FCHO2: variants seen among roughly 807,000 people sequenced by gnomAD.
FCHO2 encodes FCH and mu domain containing endocytic adaptor 2.
FCHO2 carries 43 observed loss-of-function variants against 114.1 expected under a neutral mutation model. The ratio of observed to expected loss-of-function variants is 0.38; its 90% CI spans 0.30 to 0.49. The LOEUF (loss-of-function observed/expected upper bound fraction) is 0.49. Among genes scored for constraint, FCHO2 ranks in the 20% least tolerant of loss-of-function variants. The pLI is 0.97. For synonymous variants in FCHO2, 293 were observed against 315.2 expected, an observed-to-expected ratio of 0.93 and a Z score of 0.75; for missense variants, 807 against 950.4, an observed-to-expected ratio of 0.85 and a Z score of 1.98.
chr5:72,962,010 A>C (rs568168902), intron 1 of FCHO2, among the ~76,000 whole-genome samples: 1 of 152,326 alleles, frequency 6.6e-6, no homozygotes, highest in East Asian at 1.9e-4. Flanking sequence ...ACTTGTTCCC[A>C]TTGCAACAAG....
intron 5 of FCHO2, among the ~76,000 whole-genome samples, 176 bp from the exon 6 acceptor site, chr5:73,006,269 C>T (rs879670344): frequency 6.6e-6 from 1 of 152,086 alleles, no homozygotes; most frequent in Admixed American, 6.5e-5. Flanking sequence ...TCTTGGCTGA[C>T]TGTAACAACA....
At chr5:72,968,707 T>C (rs1752338859) in intron 2 of FCHO2, 118 bp downstream of exon 2, 3 of 703,048 alleles carry the variant, frequency 4.3e-6, no homozygotes, top group South Asian at 2.1e-5. Flanking sequence ...TTTTAAAATA[T>C]GTACTGTAAT....
At chr5:72,986,453 A>G (rs894534146) in intron 2 of FCHO2, among the ~76,000 whole-genome samples, 5 of 152,014 alleles carry the variant, frequency 3.3e-5, no homozygotes, top group African/African-American at 9.7e-5. Flanking sequence ...CTGATCAGCT[A>G]CCTCTTCTGG....
chr5:73,082,285 A>G (rs1743123343), intron 23 of FCHO2, among the ~76,000 whole-genome samples: 3 of 151,694 alleles, frequency 2.0e-5, no homozygotes, highest in Admixed American at 1.3e-4. Context: ...TCATTTAAAA[A>G]ATACAAATAT....
At chr5:72,972,227 A>G (rs1409042052) in intron 2 of FCHO2, among the ~76,000 whole-genome samples, 1 of 151,714 alleles carries the variant, frequency 6.6e-6, no homozygotes, top group African/African-American at 2.4e-5. Context: ...GTTTTTTCCA[A>G]TTCTGTGAAG....
chr5:73,004,393 A>G (rs368276628), intron 5 of FCHO2, among the ~76,000 whole-genome samples: 35 of 152,296 alleles, frequency 2.3e-4, no homozygotes, highest in African/African-American at 6.0e-4. Flanking sequence ...AAAAAAATCT[A>G]TAGGAGCAAA....
At position 73,040,282 on chromosome 5, in the gene FCHO2, G is replaced by A. The variant is rs115404136; in HGVS notation, c.915-1009G>A. The stretch of plus-strand genomic sequence containing the variant: ...ACATCCAGTTGAGTATTCCTAAACC[G>A]AAAATCCCAAAGCCAGAATGTTCCA... On this transcript the variant is annotated intron_variant, in intron 10 of 25. Coordinates refer to ENST00000430046, the MANE Select transcript of FCHO2 (RefSeq NM_138782.3). Among the ~76,000 whole-genome samples the A allele has an allele frequency of 3.6e-3, 543 of 152,162 alleles. 5 individuals carry two copies. The highest frequency in any genetic ancestry group is 0.013 in the African/African-American group (527 of 41,514).
At chr5:73,050,929 G>T in intron 11 of FCHO2, among the ~76,000 whole-genome samples, 1 of 152,234 alleles carries the variant, frequency 6.6e-6, no homozygotes, top group Non-Finnish European at 1.5e-5. Context: ...ATAAGGAGGT[G>T]CTAGATCTTA....
At chr5:73,073,647 T>G (rs1742775971) in intron 19 of FCHO2, among the ~76,000 whole-genome samples, 1 of 152,208 alleles carries the variant, frequency 6.6e-6, no homozygotes, top group African/African-American at 2.4e-5. Context: ...TTTCACTATT[T>G]ATAGCATCTC....
intron 5 of FCHO2, among the ~76,000 whole-genome samples, chr5:73,004,436 G>C (rs1424419710): frequency 6.6e-6 from 1 of 152,062 alleles, no homozygotes; most frequent in Non-Finnish European, 1.5e-5. Context: ...AGTCACTTTC[G>C]CTAGGGATAG....
intron 7 of FCHO2, 127 bp from the exon 8 acceptor site, chr5:73,017,085 C>T: frequency 1.7e-6 from 1 of 571,972 alleles, no homozygotes; most frequent in Non-Finnish European, 2.9e-6. Context: ...AATTAAAGTC[C>T]TCAAAGGGCC....
intron 7 of FCHO2, among the ~76,000 whole-genome samples, 183 bp downstream of exon 7, chr5:73,015,907 T>C (rs2112742261): frequency 6.6e-6 from 1 of 152,294 alleles, no homozygotes; most frequent in East Asian, 1.9e-4. Flanking sequence ...TATTTTATCA[T>C]TTGGCCACCG....
intron 5 of FCHO2, chr5:72,996,999 T>C (rs1754155562): frequency 6.3e-7 from 1 of 1,590,924 alleles, no homozygotes; most frequent in Non-Finnish European, 8.6e-7. Context: ...TCCGCCCTTT[T>C]GCGGTGGCAG....
chr5:72,963,658 C>T lies in FCHO2; in HGVS notation c.34-4840C>T, dbSNP rs1752001603. 2.0e-5 allele frequency among the ~76,000 whole-genome samples: 3 copies of T among 152,198 alleles called. No homozygotes were observed. In the South Asian group the frequency reaches 6.2e-4, roughly 32 times the overall value. On this transcript the variant is annotated intron_variant, in intron 1 of 25. Transcript: ENST00000430046. ...TGAACTCCTGGGCTCCAGGGATCCT[C>T]TTGCCTTAGCCTTTGGAGTGGCTAG...
chr5:73,059,129 G>A (rs1022117281), intron 17 of FCHO2, among the ~76,000 whole-genome samples: 1 of 152,126 alleles, frequency 6.6e-6, no homozygotes, highest in Non-Finnish European at 1.5e-5. Context: ...CACCAAAAAT[G>A]TATGTTTAAT....
At chr5:73,018,047 T>C (rs72764851) in intron 8 of FCHO2, among the ~76,000 whole-genome samples, 17,911 of 152,132 alleles carry the variant, frequency 0.12, 1,267 homozygotes, top group Non-Finnish European at 0.17. Flanking sequence ...AAGATACATG[T>C]TTCACTCCAT....
chr5:72,972,323 C>T (rs1752603667), intron 2 of FCHO2, among the ~76,000 whole-genome samples: 1 of 151,370 alleles, frequency 6.6e-6, no homozygotes, highest in Admixed American at 6.6e-5. Flanking sequence ...TTGATTCTTC[C>T]TACCCATGAG....
chr5:73,003,777 C>T (rs1289622354), intron 5 of FCHO2, among the ~76,000 whole-genome samples: 1 of 152,154 alleles, frequency 6.6e-6, no homozygotes, highest in East Asian at 1.9e-4. Flanking sequence ...AGTGTGGTGG[C>T]TCATGCCTGT....
At chr5:73,058,174 T>G (rs1408562123) in intron 16 of FCHO2, among the ~76,000 whole-genome samples, 2 of 151,914 alleles carry the variant, frequency 1.3e-5, no homozygotes, top group Admixed American at 1.3e-4. Context: ...GCCAGGCTAA[T>G]TTAAAAAAAT....
Sources: gnomAD v4.1 joint callset for allele counts (sites outside exome capture counted in the v4.1 genomes callset) on GRCh38, gnomAD v4.1.1 for gene constraint, MANE v1.5 for transcripts, NCBI Gene and HGNC (gene_info 2026-07-23, HGNC 2026-07-21) for gene names.